The following ADAM20 variants were observed in gnomAD, a reference collection of about 807,000 sequenced individuals.
The protein encoded by ADAM20 is disintegrin and metalloproteinase domain-containing protein 20.
For missense variants in ADAM20, 871 were observed against 883.2 expected (o/e 0.99, Z 0.18); for synonymous variants, 305 against 310.2 (o/e 0.98, Z 0.18).
chr14:70,538,372 A>G (rs878892137), upstream of ADAM20, among the ~76,000 whole-genome samples: 5 of 152,170 alleles, frequency 3.3e-5, no homozygotes, highest in Admixed American at 3.3e-4. Flanking sequence ...CCTGGCACAT[A>G]ACCTAATCCT....
At chr14:70,547,561 G>A in the ADAM20 span, 5 of 94,092 alleles carry the variant, frequency 5.3e-5, no homozygotes, top group African/African-American at 1.3e-4. Context: ...CTGGAAAATC[G>A]GGTCACTCCC....
chr14:70,578,622 T>A, the ADAM20 span, among the ~76,000 whole-genome samples: 1 of 152,132 alleles, frequency 6.6e-6, no homozygotes, highest in East Asian at 1.9e-4. Context: ...CCAGAATCTA[T>A]AAGGATCTTA....
chr14:70,575,089 C>T, the ADAM20 span, among the ~76,000 whole-genome samples: 4 of 151,554 alleles, frequency 2.6e-5, no homozygotes, highest in Admixed American at 6.6e-5. Flanking sequence ...TTCTGTAACA[C>T]GAGATAAATA....
At chr14:70,562,914 T>C in the ADAM20 span, among the ~76,000 whole-genome samples, 1 of 152,232 alleles carries the variant, frequency 6.6e-6, no homozygotes, top group Non-Finnish European at 1.5e-5. Flanking sequence ...TGGAGAAATA[T>C]ATGTTTCTGA....
At chr14:70,556,680 CAATA>C in the ADAM20 span, 1 of 152,202 alleles carries the variant, frequency 6.6e-6, no homozygotes, top group Non-Finnish European at 1.5e-5. Flanking sequence ...GCGATTTTTT[CAATA>C]AATACAGTCG....
chr14:70,547,185 G>C, the ADAM20 span: 4,121 of 152,286 alleles, frequency 0.027, 83 homozygotes, highest in Middle Eastern at 0.061. Flanking sequence ...AAAAAATAAC[G>C]AGATTTAAGC....
the ADAM20 span, among the ~76,000 whole-genome samples, chr14:70,541,360 T>C: frequency 6.6e-6 from 1 of 152,326 alleles, no homozygotes; most frequent in East Asian, 1.9e-4. Flanking sequence ...TTACCTAGAT[T>C]AAAAGGTTAA....
chr14:70,536,960 A>AAT (rs935162872), upstream of ADAM20, among the ~76,000 whole-genome samples: 3 of 150,042 alleles, frequency 2.0e-5, no homozygotes, highest in Non-Finnish European at 4.4e-5. Flanking sequence ...AAAAAAAAAA[A>AAT]ATTGTCCAGA....
intron 1 of ADAM20, among the ~76,000 whole-genome samples, chr14:70,529,141 TC>T (rs1217326416): frequency 1.3e-5 from 2 of 152,186 alleles, no homozygotes; most frequent in African/African-American, 4.8e-5. Flanking sequence ...AGACAGAAAA[TC>T]AATTTAAGAA....
Position 70,522,815 on chromosome 14 carries a change from T to C in ADAM20, c.1943A>G (p.Asn648Ser), listed in dbSNP as rs1024005029. The C allele has an allele frequency of 6.2e-7, 1 of 1,614,058 alleles. No homozygotes were observed. Among genetic ancestry groups the C allele is most frequent in the Non-Finnish European group, 8.5e-7 (1 of 1,179,924 alleles). The change falls in exon 2 of 2, where the codon AAC becomes AGC. Residue 648 changes from asparagine (N) to serine (S), a missense_variant. Coordinates refer to ENST00000256389, the MANE Select transcript of ADAM20 (RefSeq NM_003814.5). ...KTCNMRGICN[N>S]KQHCHCNHEW... ...ATGGTTGCAGTGACAGTGTTGTTTG[T>C]TGTTGCAGATTCCCCTCATGTTGCA... is the stretch of plus-strand genomic sequence containing the variant.
At chr14:70,571,411 T>G in the ADAM20 span, among the ~76,000 whole-genome samples, 1 of 152,230 alleles carries the variant, frequency 6.6e-6, no homozygotes, top group Non-Finnish European at 1.5e-5. Context: ...CTCTCTGCAC[T>G]TCTCCTTCCT....
chr14:70,568,092 C>A, the ADAM20 span, among the ~76,000 whole-genome samples: 16 of 152,086 alleles, frequency 1.1e-4, no homozygotes, highest in East Asian at 1.9e-4. Flanking sequence ...AACTGCACCA[C>A]CAAACAAAAA....
rs1268751411 is a variant in ADAM20, at chr14:70,534,794, T to TA, written c.-177+2dup. 1 of 152,250 alleles carries TA rather than the reference T, an allele frequency of 6.6e-6. No homozygotes were observed. Among genetic ancestry groups the TA allele is most frequent in the East Asian group, 1.9e-4 (1 of 5,202 alleles). The allele number at this position is 152,250 out of a possible 1,614,324, so 9.4% of individuals were successfully genotyped here. ...TACTGTAGCTCCTTCTAGCAAATCTTACCTCTGTGTCTTTCAGTGTTCCAT... is the reference window on the plus strand; with the variant it reads ...TACTGTAGCTCCTTCTAGCAAATCTTAACCTCTGTGTCTTTCAGTGTTCCAT... On this transcript the variant is annotated splice_region_variant and intron_variant, in intron 1 of 1. Transcript: ENST00000256389.
rs1178028243 is a variant in ADAM20 at position 70,522,359 on chromosome 14, T to C, written c.*218A>G. On this transcript the variant is annotated 3_prime_UTR_variant, in exon 2 of 2. Coordinates refer to ENST00000256389, the MANE Select transcript of ADAM20 (RefSeq NM_003814.5). ...GCTCAGGAAACATAAAGACACAACTTCTGGGAAAAGGAACCTTTAATATTG... is the reference window on the plus strand; with the variant it reads ...GCTCAGGAAACATAAAGACACAACTCCTGGGAAAAGGAACCTTTAATATTG... 1 of 463,236 alleles carries C rather than the reference T, an allele frequency of 2.2e-6. No individual in the cohort carries two copies. Among genetic ancestry groups the C allele is most frequent in the Non-Finnish European group, 3.7e-6 (1 of 267,066 alleles). 28.7% of individuals were successfully genotyped at this position (463,236 alleles called of 1,614,324 possible). A position where few individuals can be genotyped will look rare whatever the true frequency, so the allele number is the denominator to read the frequency against.
chr14:70,554,350 T>C, the ADAM20 span, among the ~76,000 whole-genome samples: 1 of 152,108 alleles, frequency 6.6e-6, no homozygotes, highest in Non-Finnish European at 1.5e-5. Context: ...TAGAACTACC[T>C]ACTAACTAGA....
chr14:70,530,436 A>G lies in ADAM20; in HGVS notation c.-177+4361T>C, dbSNP rs536251395. ...AAAAATATATGTAGAAGTATACTCT[A>G]ATATAATGATAAAAAGTATAGTATA... is the stretch of plus-strand genomic sequence containing the variant. On this transcript the variant is annotated intron_variant, in intron 1 of 1. Coordinates refer to ENST00000256389, the MANE Select transcript of ADAM20 (RefSeq NM_003814.5). Among the ~76,000 whole-genome samples the G allele has an allele frequency of 3.3e-5, 5 of 152,328 alleles. No individual in the cohort carries two copies. In the East Asian group the frequency reaches 9.6e-4, roughly 29 times the overall value.
chr14:70,525,870 G>A (rs904867769), intron 1 of ADAM20, among the ~76,000 whole-genome samples: 2 of 152,188 alleles, frequency 1.3e-5, no homozygotes, highest in African/African-American at 4.8e-5. Context: ...AACAGGGAGT[G>A]AGGCAGCTGT....
At chr14:70,554,555 C>T in the ADAM20 span, among the ~76,000 whole-genome samples, 1 of 152,060 alleles carries the variant, frequency 6.6e-6, no homozygotes, top group African/African-American at 2.4e-5. Flanking sequence ...CACACACACA[C>T]GGGAATATTA....
the ADAM20 span, among the ~76,000 whole-genome samples, chr14:70,572,640 C>CA: frequency 6.6e-5 from 10 of 152,032 alleles, no homozygotes; most frequent in Non-Finnish European, 1.2e-4. Context: ...GCAAAAGAAA[C>CA]AGTTTCAACA....
Sources: gnomAD v4.1 joint callset for allele counts (sites outside exome capture counted in the v4.1 genomes callset) on GRCh38, gnomAD v4.1.1 for gene constraint, MANE v1.5 for transcripts, NCBI Gene and HGNC (gene_info 2026-07-23, HGNC 2026-07-21) for gene names.